CNDP2: variants seen among roughly 807,000 people sequenced by gnomAD.
CNDP2 encodes carnosine dipeptidase 2.
In CNDP2, 38 loss-of-function variants were observed where a neutral mutation model predicts 55.0. The observed-to-expected ratio is 0.69, with a 90% CI of 0.53 to 0.90. The LOEUF (loss-of-function observed/expected upper bound fraction) is 0.90. Ranked by LOEUF, CNDP2 falls within the 40% of genes least tolerant of loss-of-function variation. The probability of loss-of-function intolerance (pLI) is 0.00; values close to 1 mark genes in which losing one functional copy is unlikely to be tolerated. For synonymous variants in CNDP2, 241 were observed against 260.2 expected, an observed-to-expected ratio of 0.93 and a Z score of 0.71; for missense variants, 607 against 621.7, an observed-to-expected ratio of 0.98 and a Z score of 0.25.
At chr18:74,509,018 A>G in intron 5 of CNDP2, 90 bp downstream of exon 5, 1 of 1,065,602 alleles carries the variant, frequency 9.4e-7, no homozygotes, top group Non-Finnish European at 1.4e-6. Flanking sequence ...CAGCTTATAA[A>G]GCTCACAGGA....
chr18:74,498,312 G>A (rs1978514964), intron 1 of CNDP2, among the ~76,000 whole-genome samples: 2 of 152,100 alleles, frequency 1.3e-5, no homozygotes, highest in Admixed American at 6.5e-5. Context: ...ACCCGTACAT[G>A]TACCTTTACT....
chr18:74,512,976 TG>T (rs1367999407), intron 7 of CNDP2, among the ~76,000 whole-genome samples: 1 of 152,232 alleles, frequency 6.6e-6, no homozygotes, highest in Non-Finnish European at 1.5e-5. Flanking sequence ...CTGTTCCCGG[TG>T]TCCTCCTGCT....
Position 74,501,288 on chromosome 18 carries a change from C to T in CNDP2, c.61-41C>T, listed in dbSNP as rs750837671. 13 of 1,594,918 alleles carry T rather than the reference C, an allele frequency of 8.2e-6. No homozygotes were observed. The African/African-American group carries it at 1.6e-4, about 20-fold the overall frequency. The stretch of plus-strand genomic sequence containing the variant: ...ACGGGAGCCTCTTCTCCCTCAAGGA[C>T]ACCTTTTCAGAATCCCTCGTTGCTT... On this transcript the variant is annotated intron_variant, in intron 2 of 11. Coordinates refer to ENST00000324262, the MANE Select transcript of CNDP2 (RefSeq NM_018235.3).
In CNDP2 at chr18:74,518,044, G is replaced by GC. The variant is rs564385948; in HGVS notation, c.1069-454dup. The GC allele has an allele frequency of 7.2e-3, 1,106 of 153,228 alleles. 9 individuals are homozygous for GC. The highest frequency in any genetic ancestry group is 0.025 in the African/African-American group (1,028 of 41,566). The allele number at this position is 153,228 out of a possible 1,614,324, so 9.5% of individuals were successfully genotyped here. A position where few individuals can be genotyped will look rare whatever the true frequency, so the allele number is the denominator to read the frequency against. Reference sequence around the variant, plus strand: ...AATCCCAGCACTTTGGGAGGCCAAGGCGGGCGGATCACGAGGTCAGGAGAT... The same window carrying GC: ...AATCCCAGCACTTTGGGAGGCCAAGGCCGGGCGGATCACGAGGTCAGGAGAT... On this transcript the variant is annotated intron_variant, in intron 9 of 11. Transcript: ENST00000324262.
At chr18:74,498,981 A>T (rs534808749) in intron 1 of CNDP2, among the ~76,000 whole-genome samples, 2 of 152,322 alleles carry the variant, frequency 1.3e-5, no homozygotes, top group African/African-American at 4.8e-5. Context: ...GTCGTGGTGG[A>T]TAAAGTCACC....
chr18:74,512,557 C>T (rs777157023), intron 7 of CNDP2, 25 bp downstream of exon 7: 23 of 1,604,040 alleles, frequency 1.4e-5, no homozygotes, highest in African/African-American at 5.4e-5. Context: ...GCATTCAGTC[C>T]GCAGTTGAGG....
At chr18:74,498,316 C>T (rs1025713636) in intron 1 of CNDP2, among the ~76,000 whole-genome samples, 1 of 152,078 alleles carries the variant, frequency 6.6e-6, no homozygotes, top group African/African-American at 2.4e-5. Context: ...GTACATGTAC[C>T]TTTACTGGAT....
At chr18:74,508,776 G>A in intron 4 of CNDP2, 64 bp from the exon 5 acceptor site, 1 of 1,369,808 alleles carries the variant, frequency 7.3e-7, no homozygotes, top group Non-Finnish European at 1.0e-6. Context: ...ATGTGCACCT[G>A]AGACACGCTG....
At position 74,510,921 on chromosome 18, in the gene CNDP2, G is replaced by T. The variant is rs199708812; in HGVS notation, c.565G>T (p.Asp189Tyr). The change falls in exon 6 of 12, where the codon GAC becomes TAC. Residue 189 changes from aspartate (D) to tyrosine (Y), a missense_variant. Asp to Tyr is a radical substitution (Grantham distance 160). Transcript: ENST00000324262. Reference sequence around the variant, plus strand: ...GAAAGACACATTCTTTAAGGATGTGGACTATGTCTGCATTTCTGACAATTA... The same window carrying T: ...GAAAGACACATTCTTTAAGGATGTGTACTATGTCTGCATTTCTGACAATTA... Reference protein sequence around the residue: ...ARKDTFFKDVDYVCISDNYWL... With the variant: ...ARKDTFFKDVYYVCISDNYWL... The T allele has an allele frequency of 6.2e-7, 1 of 1,614,120 alleles. No homozygotes were observed. The highest frequency in any genetic ancestry group is 8.5e-7 in the Non-Finnish European group (1 of 1,179,982).
chr18:74,510,674 G>C, intron 5 of CNDP2, 139 bp from the exon 6 acceptor site: 1 of 720,522 alleles, frequency 1.4e-6, no homozygotes, highest in Non-Finnish European at 2.3e-6. Flanking sequence ...CTGGGGAGGG[G>C]GTGATGACAG....
At chr18:74,516,078 C>G in intron 8 of CNDP2, 150 bp from the exon 9 acceptor site, 2 of 798,818 alleles carry the variant, frequency 2.5e-6, no homozygotes, top group Non-Finnish European at 4.0e-6. Flanking sequence ...CGCACCTGCA[C>G]CTGGACCTCC....
At chr18:74,518,347 C>T in intron 9 of CNDP2, 152 bp from the exon 10 acceptor site, 5 of 689,928 alleles carry the variant, frequency 7.2e-6, no homozygotes, top group Non-Finnish European at 1.2e-5. Flanking sequence ...AAATGAGACT[C>T]ATCGTAGACT....
In CNDP2 at chr18:74,518,968, C is replaced by T. The variant is rs1276740780; in HGVS notation, c.1230C>T (p.Asp410=). ...CCCCAGTTTTTGGTGTTGAGCCAGACTTGACCAGGGAAGGCGGCAGTATTC... is the reference window on the plus strand; with the variant it reads ...CCCCAGTTTTTGGTGTTGAGCCAGATTTGACCAGGGAAGGCGGCAGTATTC... ...AMKTVFGVEP[D]LTREGGSIPV... Residue 410 remains aspartate, a synonymous_variant, in exon 11 of 12, where the codon GAC becomes GAT. Coordinates refer to ENST00000324262, the MANE Select transcript of CNDP2 (RefSeq NM_018235.3). 6.2e-7 allele frequency: 1 copy of T among 1,614,018 alleles called. No individual in the cohort carries two copies. The highest frequency in any genetic ancestry group is 1.3e-5 in the African/African-American group (1 of 74,904).
chr18:74,511,077 G>A (rs775646494), intron 6 of CNDP2, 64 bp downstream of exon 6: 67 of 1,406,478 alleles, frequency 4.8e-5, no homozygotes, highest in Admixed American at 1.8e-4. Flanking sequence ...TCTCCCAAAC[G>A]CAAAGTAGAC....
chr18:74,501,121 A>G (rs1371145761), intron 2 of CNDP2: 5 of 1,122,346 alleles, frequency 4.5e-6, no homozygotes, highest in Non-Finnish European at 5.7e-6. Context: ...GTAAAACAAT[A>G]TGAGAGGGTC....
chr18:74,507,745 A>G (rs3829640), intron 4 of CNDP2: 30,327 of 152,236 alleles, frequency 0.2, 3,332 homozygotes, highest in Admixed American at 0.3. Context: ...CCTGACTGTC[A>G]AGGAACCTAG....
chr18:74,521,955 C>A lies in CNDP2; in HGVS notation c.*1887C>A, dbSNP rs147640386. On this transcript the variant is annotated 3_prime_UTR_variant, in exon 12 of 12. Coordinates refer to ENST00000324262, the MANE Select transcript of CNDP2 (RefSeq NM_018235.3). ...CAGTAATGACACGTCCACATCAGCACCCCCAACACCACTCCCTGAGGAGGA... is the reference window on the plus strand; with the variant it reads ...CAGTAATGACACGTCCACATCAGCAACCCCAACACCACTCCCTGAGGAGGA... The A allele has an allele frequency of 2.0e-5, 3 of 152,372 alleles. No homozygotes were observed. The allele number at this position is 152,372 out of a possible 1,614,324, so 9.4% of individuals were successfully genotyped here.
Position 74,522,908 on chromosome 18 carries a change from C to T in CNDP2, c.*2840C>T, listed in dbSNP as rs1430573157. On this transcript the variant is annotated 3_prime_UTR_variant, in exon 12 of 12. Coordinates refer to ENST00000324262, the MANE Select transcript of CNDP2 (RefSeq NM_018235.3). The stretch of plus-strand genomic sequence containing the variant: ...CTTCCCCTGGAAGCAAGTGTGAGGT[C>T]GTCGCCTCTGGAAGTGCTAGCGGAG... 3 of 152,326 alleles carry T rather than the reference C, an allele frequency of 2.0e-5. No homozygotes were observed. The highest frequency in any genetic ancestry group is 2.9e-5 in the Non-Finnish European group (2 of 68,094). 9.4% of individuals were successfully genotyped at this position (152,326 alleles called of 1,614,324 possible).
At chr18:74,499,076 T>G (rs1978550712) in intron 1 of CNDP2, among the ~76,000 whole-genome samples, 2 of 152,182 alleles carry the variant, frequency 1.3e-5, no homozygotes, top group African/African-American at 4.8e-5. Flanking sequence ...GGCGTTTGTC[T>G]GGCATGTAGA....
Sources: allele counts gnomAD v4.1 joint callset (sites outside exome capture counted in the v4.1 genomes callset), GRCh38; gene constraint gnomAD v4.1.1; transcripts MANE v1.5; gene names NCBI Gene and HGNC (gene_info 2026-07-23, HGNC 2026-07-21).